Variants in SNED1 observed in about 807,000 individuals in gnomAD.
SNED1 encodes sushi, nidogen and EGF-like domain-containing protein 1.
Under a neutral mutation model 166.7 loss-of-function variants are expected in SNED1, and 81 were observed. The ratio of observed to expected loss-of-function variants is 0.49; its 90% CI spans 0.41 to 0.58. SNED1 has a LOEUF of 0.58. SNED1 is among the 20% of genes least tolerant of loss of function. The pLI, the probability that SNED1 is intolerant of heterozygous loss-of-function variation, is 0.00. For synonymous variants in SNED1, 762 were observed against 822.0 expected, an observed-to-expected ratio of 0.93 and a Z score of 1.25; for missense variants, 1,604 against 2,000.2, an observed-to-expected ratio of 0.80 and a Z score of 3.78.
In SNED1 at chr2:241,094,886, A is replaced by C. The variant is rs557820315; in HGVS notation, c.*3250A>C. ...ATCCTATGCCAGTTTCCCCTAAAAG[A>C]GGGCTAACTGGAATGTTCTAGGATG... On this transcript the variant is annotated 3_prime_UTR_variant, in exon 32 of 32. Coordinates refer to ENST00000310397, the MANE Select transcript of SNED1 (RefSeq NM_001080437.3). The surrounding 1 kb of genome is among the most constrained non-coding windows in gnomAD (Gnocchi z 4.3). 2 of 158,288 alleles carry C rather than the reference A, an allele frequency of 1.3e-5. No individual in the cohort carries two copies. The highest frequency in any genetic ancestry group is 4.8e-5 in the African/African-American group (2 of 41,574). The allele number at this position is 158,288 out of a possible 1,614,324, so 9.8% of individuals were successfully genotyped here.
rs2060470774 is a variant in SNED1 at position 241,013,214 on chromosome 2, G to A, written c.213+14164G>A. On this transcript the variant is annotated intron_variant, in intron 1 of 31. Transcript: ENST00000310397. The surrounding 1 kb of genome is among the most constrained non-coding windows in gnomAD (Gnocchi z 4.6). ...ACTCATCCTGTCTGACTGAAGGTTT[G>A]CACCCTCCAATCAACATTTCCCCAT... is the stretch of plus-strand genomic sequence containing the variant. Among the ~76,000 whole-genome samples the A allele has an allele frequency of 6.6e-6, 1 of 152,146 alleles. No homozygotes were observed. Among genetic ancestry groups the A allele is most frequent in the African/African-American group, 2.4e-5 (1 of 41,408 alleles).
chr2:241,034,833 G>C (rs2061296469), intron 4 of SNED1, 103 bp downstream of exon 4: 2 of 1,304,604 alleles, frequency 1.5e-6, no homozygotes, highest in Non-Finnish European at 2.1e-6. Flanking sequence ...GACGGGGAGA[G>C]CAGGAGCACT....
In SNED1 at chr2:241,068,441, G is replaced by A. The variant is rs1026408383; in HGVS notation, c.3195-470G>A. 2.6e-5 allele frequency among the ~76,000 whole-genome samples: 4 copies of A among 152,090 alleles called. No homozygotes were observed. The highest frequency in any genetic ancestry group is 9.7e-5 in the African/African-American group (4 of 41,414). ...CAACCAAAGAGAAAGCTTCCGAATC[G>A]TGCTCAGCGCAGGCAGGGGTGCAGG... On this transcript the variant is annotated intron_variant, in intron 22 of 31. Transcript: ENST00000310397. The surrounding 1 kb of genome is among the most constrained non-coding windows in gnomAD (Gnocchi z 5.3).
At chr2:241,087,511 A>C (rs2063642728) in intron 30 of SNED1, 36 bp downstream of exon 30, 1 of 1,575,074 alleles carries the variant, frequency 6.3e-7, no homozygotes, top group South Asian at 1.2e-5. Context: ...CGTGTCCTGC[A>C]TGTAGCCCAC....
chr2:241,017,718 G>C (rs1345245543), intron 1 of SNED1, among the ~76,000 whole-genome samples: 6 of 152,208 alleles, frequency 3.9e-5, no homozygotes, highest in Non-Finnish European at 8.8e-5. Flanking sequence ...GTGGGTGAAG[G>C]CTGCCGTCCA....
chr2:241,063,918 CT>C (rs1375143020), intron 18 of SNED1, 93 bp from the exon 19 acceptor site: 3 of 1,016,860 alleles, frequency 3.0e-6, no homozygotes, highest in Non-Finnish European at 4.4e-6. Flanking sequence ...GCCTCCGCCC[CT>C]AGACTCCTCC....
intron 16 of SNED1, 94 bp downstream of exon 16, chr2:241,053,420 T>G (rs912492509): frequency 3.3e-5 from 43 of 1,313,722 alleles, no homozygotes; most frequent in Non-Finnish European, 4.3e-5. Context: ...GGCCCAAGCC[T>G]GGATGCCCAG....
chr2:241,079,509 T>C (rs761599592), intron 27 of SNED1, among the ~76,000 whole-genome samples: 1 of 152,108 alleles, frequency 6.6e-6, no homozygotes, highest in Non-Finnish European at 1.5e-5. Flanking sequence ...TTGTCCTCAT[T>C]TTAATAAAGA....
chr2:241,088,467 G>A, intron 31 of SNED1, 65 bp downstream of exon 31: 1 of 1,342,442 alleles, frequency 7.4e-7, no homozygotes, highest in Non-Finnish European at 1.1e-6. Context: ...CGACTGCCCA[G>A]CCCCGGGATC....
chr2:241,031,144 CTGTT>C (rs887857812), intron 2 of SNED1, among the ~76,000 whole-genome samples: 1 of 152,124 alleles, frequency 6.6e-6, no homozygotes, highest in African/African-American at 2.4e-5. Flanking sequence ...ATTTTCAGAG[CTGTT>C]TGTTCATGCA....
In SNED1 at chr2:241,033,827, C is replaced by T. The variant is rs780390609; in HGVS notation, c.594C>T (p.His198=). 3.7e-6 allele frequency: 6 copies of T among 1,609,664 alleles called. No homozygotes were observed. Among genetic ancestry groups the T allele is most frequent in the East Asian group, 2.2e-5 (1 of 44,784 alleles). ...YESIVWTTGT[H]ASSGGNATGL... ...CCATCGTGTGGACCACAGGCACACACGCCAGCAGCGGGGGCAACGCCACTG... is the reference window on the plus strand; with the variant it reads ...CCATCGTGTGGACCACAGGCACACATGCCAGCAGCGGGGGCAACGCCACTG... The change falls in exon 3 of 32, where the codon CAC becomes CAT. Residue 198 remains histidine (H), a synonymous_variant. Coordinates refer to ENST00000310397, the MANE Select transcript of SNED1 (RefSeq NM_001080437.3).
intron 1 of SNED1, among the ~76,000 whole-genome samples, chr2:241,024,642 C>CTTATTTTATTTTATTTTATT (rs1374900120): frequency 5.6e-5 from 4 of 71,378 alleles, no homozygotes; most frequent in African/African-American, 2.2e-4. Flanking sequence ...TTAATCATGC[C>CTTATTTTATTTTATTTTATT]TTATTTTATC....
chr2:241,083,282 G>A (rs2125311968), intron 29 of SNED1, among the ~76,000 whole-genome samples: 1 of 152,286 alleles, frequency 6.6e-6, no homozygotes, highest in East Asian at 1.9e-4. Flanking sequence ...AGTCAGGAGT[G>A]TCCCTGGCAT....
In SNED1 at chr2:240,999,027, G is replaced by A; in HGVS notation, c.190G>A (p.Gly64Ser). 8 of 1,322,208 alleles carry A rather than the reference G, an allele frequency of 6.1e-6. No individual in the cohort carries two copies. Among genetic ancestry groups the A allele is most frequent in the Non-Finnish European group, 7.8e-6 (8 of 1,031,310 alleles). 81.9% of individuals were successfully genotyped at this position (1,322,208 alleles called of 1,614,324 possible). A position where few individuals can be genotyped will look rare whatever the true frequency, so the allele number is the denominator to read the frequency against. Residue 64 changes from glycine (G) to serine (S), a missense_variant, in exon 1 of 32, where the codon GGT (glycine) becomes AGT (serine). Physicochemically the swap from Gly to Ser is moderately conservative, Grantham distance 56. Coordinates refer to ENST00000310397, the MANE Select transcript of SNED1 (RefSeq NM_001080437.3). The surrounding 1 kb of genome is among the most constrained non-coding windows in gnomAD (Gnocchi z 5.8). ...RPLSVPFPFF[G>S]AEHSGLYVNN... ...GCTCTCGGTGCCCTTCCCGTTCTTC[G>A]GTGCCGAGCACTCCGGACTCTACGT...
At chr2:241,056,496 AAGACAGGACAAC>A (rs1385069932) in intron 16 of SNED1, among the ~76,000 whole-genome samples, 1 of 152,170 alleles carries the variant, frequency 6.6e-6, no homozygotes, top group Non-Finnish European at 1.5e-5. Flanking sequence ...ATAGAACTCA[AAGACAGGACAAC>A]AAAATTATCT....
chr2:241,076,857 C>T (rs1440863268), intron 27 of SNED1, among the ~76,000 whole-genome samples: 2 of 152,148 alleles, frequency 1.3e-5, no homozygotes, highest in Non-Finnish European at 2.9e-5. Context: ...TTTGGGAGGC[C>T]GAGGCGGGCG....
At position 241,066,546 on chromosome 2, in the gene SNED1, G is replaced by A. The variant is rs542332152; in HGVS notation, c.3010+951G>A. ...ATGCCTGTGGCCTCCAGACACAGGA[G>A]CAAGAATGGGGAAGGGGTGCTAGAG... On this transcript the variant is annotated intron_variant, in intron 21 of 31. Coordinates refer to ENST00000310397, the MANE Select transcript of SNED1 (RefSeq NM_001080437.3). Among the ~76,000 whole-genome samples the A allele has an allele frequency of 2.1e-3, 316 of 152,276 alleles. 2 individuals are homozygous for A. Among genetic ancestry groups the A allele is most frequent in the African/African-American group, 7.3e-3 (305 of 41,564 alleles).
At chr2:241,061,843 C>A (rs2062240474) in intron 16 of SNED1, among the ~76,000 whole-genome samples, 1 of 149,388 alleles carries the variant, frequency 6.7e-6, no homozygotes, top group African/African-American at 2.5e-5. Flanking sequence ...ACGAGCGAAA[C>A]TCCATCCCCC....
rs2061841831 is a variant in SNED1 at position 241,051,587 on chromosome 2, T to TGCG, written c.1736-155_1736-153dup. The stretch of plus-strand genomic sequence containing the variant: ...GCCCCACCCCAGCCCCCACCATGTG[T>TGCG]GCGGACCTGCTTGGCCCCTGCTGCA... On this transcript the variant is annotated intron_variant, in intron 12 of 31. Coordinates refer to ENST00000310397, the MANE Select transcript of SNED1 (RefSeq NM_001080437.3). This position sits in a 1 kb window ranked among gnomAD's most constrained non-coding sequence, Gnocchi z 4.7. 1.8e-6 allele frequency: 1 copy of TGCG among 560,012 alleles called. No homozygotes were observed. The highest frequency in any genetic ancestry group is 1.9e-5 in the African/African-American group (1 of 52,630). 34.7% of individuals were successfully genotyped at this position (560,012 alleles called of 1,614,324 possible). A position where few individuals can be genotyped will look rare whatever the true frequency, so the allele number is the denominator to read the frequency against.
Sources: allele counts gnomAD v4.1 joint callset (sites outside exome capture counted in the v4.1 genomes callset), GRCh38; gene constraint gnomAD v4.1.1; non-coding constraint Gnocchi (gnomAD v3.1); transcripts MANE v1.5; gene names NCBI Gene and HGNC (gene_info 2026-07-23, HGNC 2026-07-21).